TSHZ3: variants seen among roughly 807,000 people sequenced by gnomAD.
TSHZ3 encodes teashirt homolog 3.
In TSHZ3, 10 loss-of-function variants were observed where a neutral mutation model predicts 64.5. The observed-to-expected ratio is 0.16, with a 90% CI of 0.10 to 0.26. The LOEUF (loss-of-function observed/expected upper bound fraction) is 0.26, where lower values mean the gene tolerates loss of function less well. TSHZ3 is among the 10% of genes least tolerant of loss of function. The probability of loss-of-function intolerance (pLI) is 1.00; values close to 1 mark genes in which losing one functional copy is unlikely to be tolerated. For missense variants in TSHZ3, 1,242 were observed against 1,421.7 expected, an observed-to-expected ratio of 0.87 and a Z score of 2.03; for synonymous variants, 608 against 593.1, an observed-to-expected ratio of 1.03 and a Z score of -0.36.
chr19:31,349,419 A>T lies in TSHZ3; in HGVS notation c.-200T>A. The T allele has an allele frequency of 2.8e-6, 1 of 358,708 alleles. No homozygotes were observed. The highest frequency in any genetic ancestry group is 4.8e-6 in the Non-Finnish European group (1 of 207,400). 22.2% of individuals were successfully genotyped at this position (358,708 alleles called of 1,614,324 possible). A position where few individuals can be genotyped will look rare whatever the true frequency, so the allele number is the denominator to read the frequency against. On this transcript the variant is annotated 5_prime_UTR_variant, in exon 1 of 2. Transcript: ENST00000240587. ...CGCCGCGCTCCGCCGCGAACCCCGA[A>T]CGTGCGGAGGGAAGAAGGAGGGCGG...
In TSHZ3 at chr19:31,277,507, A is replaced by G. The variant is rs762389494; in HGVS notation, c.2286T>C (p.Ala762=). 3.9e-5 allele frequency: 62 copies of G among 1,607,198 alleles called. No individual in the cohort carries two copies. The highest frequency in any genetic ancestry group is 1.7e-4 in the Middle Eastern group (1 of 6,058). The part of the protein sequence containing the change: ...KMSNSLAEKA[A]VATPPPLQSK... ...ACTGCAGGGGCGGCGGGGTGGCCAC[A>G]GCAGCCTTCTCCGCCAGGCTGTTGC... Residue 762 remains alanine, a synonymous_variant, in exon 2 of 2, where the codon GCT becomes GCC. Coordinates refer to ENST00000240587, the MANE Select transcript of TSHZ3 (RefSeq NM_020856.4). The surrounding 1 kb of genome is among the most constrained non-coding windows in gnomAD (Gnocchi z 4.5).
At chr19:31,288,970 G>A (rs757168735) in intron 1 of TSHZ3, among the ~76,000 whole-genome samples, 12 of 152,202 alleles carry the variant, frequency 7.9e-5, no homozygotes, top group Non-Finnish European at 1.3e-4. Context: ...TCACATCTGT[G>A]AGCATCAGTT....
intron 1 of TSHZ3, among the ~76,000 whole-genome samples, chr19:31,348,308 G>T (rs1006891890): frequency 3.3e-5 from 5 of 152,136 alleles, no homozygotes; most frequent in Non-Finnish European, 7.3e-5. Flanking sequence ...CAACGGGCCA[G>T]AAACCCTTCT....
rs118131830 is a variant in TSHZ3, at chr19:31,252,739, C to T, written n.64-9864G>A. 5.1e-3 allele frequency among the ~76,000 whole-genome samples: 772 copies of T among 152,288 alleles called. 6 individuals are homozygous for T. Among genetic ancestry groups the T allele is most frequent in the Middle Eastern group, 0.014 (4 of 294 alleles). On this transcript the variant is annotated intron_variant and non_coding_transcript_variant, in intron 1 of 6. Coordinates refer to the TSHZ3 transcript ENST00000651361. ...GAACTGAGTCCATTAAACCTCTTTC[C>T]TGTATAAATTACCCAGTCTCAGGTA...
intron 3 of TSHZ3, among the ~76,000 whole-genome samples, chr19:31,229,658 A>G (rs1394852153): frequency 6.6e-6 from 1 of 152,222 alleles, no homozygotes; most frequent in Non-Finnish European, 1.5e-5. Context: ...ATTCTGCCAT[A>G]ACTATATCTA....
At chr19:31,216,086 G>GTATT (rs967862357) in intron 4 of TSHZ3, among the ~76,000 whole-genome samples, 2 of 151,782 alleles carry the variant, frequency 1.3e-5, no homozygotes, top group African/African-American at 4.8e-5. Flanking sequence ...TTATGATGGT[G>GTATT]TATGTATATA....
At chr19:31,288,639 C>T (rs760518783) in intron 1 of TSHZ3, among the ~76,000 whole-genome samples, 3 of 152,124 alleles carry the variant, frequency 2.0e-5, no homozygotes, top group Non-Finnish European at 2.9e-5. Flanking sequence ...AACTCCTGGG[C>T]TCAAGTGATC....
At chr19:31,254,660 G>A (rs1004165400) in intron 1 of TSHZ3, among the ~76,000 whole-genome samples, 12 of 152,212 alleles carry the variant, frequency 7.9e-5, no homozygotes, top group Admixed American at 7.9e-4. Flanking sequence ...TTTTGGAGGA[G>A]CAGAGTTCAA....
At chr19:31,321,969 A>G (rs1249892718) in intron 1 of TSHZ3, among the ~76,000 whole-genome samples, 1 of 151,964 alleles carries the variant, frequency 6.6e-6, no homozygotes, top group Non-Finnish European at 1.5e-5. Flanking sequence ...TCCTAATGCT[A>G]TCCTTCTCCA....
intron 1 of TSHZ3, among the ~76,000 whole-genome samples, chr19:31,283,182 A>C (rs1425450760): frequency 6.6e-6 from 1 of 152,066 alleles, no homozygotes; most frequent in African/African-American, 2.4e-5. Flanking sequence ...AAATACAAAA[A>C]AATTAGCCAG....
rs540926369 is a variant in TSHZ3, at chr19:31,277,985, G to C, written c.1808C>G (p.Pro603Arg). ...SPPSSQTSPM[P>R]KTNFHAMEEL... ...CTCCATGGCATGAAAGTTTGTCTTGGGCATGGGGGACGTCTGGCTGCTGGG... is the reference window on the plus strand; with the variant it reads ...CTCCATGGCATGAAAGTTTGTCTTGCGCATGGGGGACGTCTGGCTGCTGGG... The change falls in exon 2 of 2, where the codon CCC becomes CGC. Residue 603 changes from proline (P) to arginine (R), a missense_variant. Transcript: ENST00000240587. This position sits in a 1 kb window ranked among gnomAD's most constrained non-coding sequence, Gnocchi z 4.5. 12 of 1,614,036 alleles carry C rather than the reference G, an allele frequency of 7.4e-6. No individual in the cohort carries two copies. Among genetic ancestry groups the C allele is most frequent in the Non-Finnish European group, 1.0e-5 (12 of 1,180,016 alleles).
At chr19:31,219,925 A>G (rs1975377415) in intron 4 of TSHZ3, among the ~76,000 whole-genome samples, 1 of 151,860 alleles carries the variant, frequency 6.6e-6, no homozygotes, top group African/African-American at 2.4e-5. Flanking sequence ...TATATATTCA[A>G]TTGATCTTTG....
chr19:31,283,511 G>A (rs1337616188), intron 1 of TSHZ3, among the ~76,000 whole-genome samples: 1 of 152,206 alleles, frequency 6.6e-6, no homozygotes, highest in Admixed American at 6.5e-5. Context: ...CCACAAATAC[G>A]CATCAAGCTG....
chr19:31,265,653 C>T (rs1410059798), intron 1 of TSHZ3, among the ~76,000 whole-genome samples: 1 of 152,058 alleles, frequency 6.6e-6, no homozygotes, highest in East Asian at 1.9e-4. Context: ...GGACTGGAAC[C>T]CTAAACATAT....
chr19:31,273,090 G>T (rs1472561484), downstream of TSHZ3, among the ~76,000 whole-genome samples: 1 of 152,234 alleles, frequency 6.6e-6, no homozygotes, highest in Admixed American at 6.5e-5. Flanking sequence ...CCGGACAGTG[G>T]CCCAATCTTT....
downstream of TSHZ3, among the ~76,000 whole-genome samples, chr19:31,270,301 T>C (rs551770839): frequency 5.6e-4 from 86 of 152,248 alleles, no homozygotes; most frequent in South Asian, 0.017. Flanking sequence ...AGGAAACTGA[T>C]TTGTAAATCA....
At position 31,349,337 on chromosome 19, in the gene TSHZ3, C is replaced by T; in HGVS notation, c.-118G>A. 1.0e-6 allele frequency: 1 copy of T among 1,001,772 alleles called. No homozygotes were observed. Among genetic ancestry groups the T allele is most frequent in the Non-Finnish European group, 1.3e-6 (1 of 746,918 alleles). The allele number at this position is 1,001,772 out of a possible 1,614,324, so 62.1% of individuals were successfully genotyped here. A position where few individuals can be genotyped will look rare whatever the true frequency, so the allele number is the denominator to read the frequency against. Reference sequence around the variant, plus strand: ...GGCGGGCCTGCTCTCAGCCTCCCCCCCGGAGAGCGGCCGCCCGCAGGATGC... The same window carrying T: ...GGCGGGCCTGCTCTCAGCCTCCCCCTCGGAGAGCGGCCGCCCGCAGGATGC... On this transcript the variant is annotated 5_prime_UTR_variant, in exon 1 of 2. Coordinates refer to ENST00000240587, the MANE Select transcript of TSHZ3 (RefSeq NM_020856.4).
intron 5 of TSHZ3, among the ~76,000 whole-genome samples, chr19:31,201,948 C>T (rs1481733834): frequency 6.6e-6 from 1 of 152,112 alleles, no homozygotes; most frequent in East Asian, 1.9e-4. Flanking sequence ...GGGTGGATCA[C>T]CTGAGGATGG....
intron 1 of TSHZ3, among the ~76,000 whole-genome samples, chr19:31,247,432 G>A (rs1215004339): frequency 6.6e-6 from 1 of 152,082 alleles, no homozygotes; most frequent in Non-Finnish European, 1.5e-5. Flanking sequence ...AATGAGTAAT[G>A]CAAACCTAAT....
Sources: gnomAD v4.1 joint callset for allele counts (sites outside exome capture counted in the v4.1 genomes callset) on GRCh38, gnomAD v4.1.1 for gene constraint, Gnocchi (gnomAD v3.1) non-coding constraint, MANE v1.5 for transcripts, NCBI Gene and HGNC (gene_info 2026-07-23, HGNC 2026-07-21) for gene names.